Variants in RPL13 observed in about 807,000 individuals in gnomAD.
RPL13 encodes ribosomal protein L13, also known as large ribosomal subunit protein eL13.
In RPL13, 1 loss-of-function variant was observed where a neutral mutation model predicts 21.4. The observed-to-expected ratio is 0.05, with a 90% confidence interval of 0.02 to 0.22. The LOEUF is 0.22. Ranked by LOEUF, RPL13 falls within the 10% of genes least tolerant of loss-of-function variation. The pLI, the probability that RPL13 is intolerant of heterozygous loss-of-function variation, is 1.00. For missense variants in RPL13, 289 were observed against 303.0 expected, an observed-to-expected ratio of 0.95 and a Z score of 0.34; for synonymous variants, 143 against 120.5, an observed-to-expected ratio of 1.19 and a Z score of -1.23.
chr16:89,565,980 C>T (rs1411157508), downstream of RPL13: 2 of 152,322 alleles, frequency 1.3e-5, no homozygotes, highest in East Asian at 3.8e-4. Context: ...CAGGTGCGCC[C>T]AGGCTCCTCA....
rs1330429978 is a variant in RPL13 at position 89,563,180 on chromosome 16, A to T, written c.*138A>T. 1 of 785,218 alleles carries T rather than the reference A, an allele frequency of 1.3e-6. No individual in the cohort carries two copies. Among genetic ancestry groups the T allele is most frequent in the Admixed American group, 4.1e-5 (1 of 24,578 alleles). 48.6% of individuals were successfully genotyped at this position (785,218 alleles called of 1,614,324 possible). ...CCAGGGGATTTGGGGCTTTCTTGAA[A>T]GACAGTCCAAGCCCTGGATAATGCT... is the stretch of plus-strand genomic sequence containing the variant. On this transcript the variant is annotated 3_prime_UTR_variant, in exon 6 of 6. Transcript: ENST00000311528.
chr16:89,562,809 C>G (rs576551693), intron 5 of RPL13, 75 bp from the exon 6 acceptor site: 2 of 1,432,310 alleles, frequency 1.4e-6, no homozygotes, highest in Admixed American at 2.8e-5. Context: ...GGAGGTCCTC[C>G]AGGTTCTCCT....
rs1030885540 is a variant in RPL13 at position 89,564,281 on chromosome 16, G to A, written c.*1239G>A. On this transcript the variant is annotated 3_prime_UTR_variant, in exon 6 of 6. Coordinates refer to ENST00000311528, the MANE Select transcript of RPL13 (RefSeq NM_000977.4). ...GCACTCACAGCCACACTTGATACAC[G>A]ATGACACCTTGCTTGTTTGGAAACA... 6.6e-5 allele frequency: 10 copies of A among 152,164 alleles called. No homozygotes were observed. The highest frequency in any genetic ancestry group is 1.9e-4 in the African/African-American group (8 of 41,386). 9.4% of individuals were successfully genotyped at this position (152,164 alleles called of 1,614,324 possible).
intron 3 of RPL13, 100 bp from the exon 4 acceptor site, chr16:89,561,478 A>T (rs569976983): frequency 6.2e-7 from 1 of 1,612,208 alleles, no homozygotes. Flanking sequence ...ATGAAAGCAC[A>T]TTTGAACCCT....
At chr16:89,562,169 C>G (rs943207288) in intron 4 of RPL13, 166 bp from the exon 5 acceptor site, 1 of 672,008 alleles carries the variant, frequency 1.5e-6, no homozygotes. Context: ...AGTCACCTAA[C>G]TAATAAGGAC....
Position 89,563,573 on chromosome 16 carries a change from C to G in RPL13, c.*531C>G, listed in dbSNP as rs1445481617. On this transcript the variant is annotated 3_prime_UTR_variant, in exon 6 of 6. Coordinates refer to ENST00000311528, the MANE Select transcript of RPL13 (RefSeq NM_000977.4). ...AGCCTGGGCAACAGTGAGACTGTCTCAAAAAAAAAAAAAGAGACAGGGTCT... is the reference window on the plus strand; with the variant it reads ...AGCCTGGGCAACAGTGAGACTGTCTGAAAAAAAAAAAAAGAGACAGGGTCT... 5 of 139,264 alleles carry G rather than the reference C, an allele frequency of 3.6e-5. No homozygotes were observed. The East Asian group carries it at 1.1e-3, about 31-fold the overall frequency. The allele number at this position is 139,264 out of a possible 1,614,324, so 8.6% of individuals were successfully genotyped here.
At position 89,560,929 on chromosome 16, in the gene RPL13, C is replaced by T. The variant is rs1197078072; in HGVS notation, c.-20-11C>T. The stretch of plus-strand genomic sequence containing the variant: ...GGTCCGGCCTCTCACTCGCTCCCCT[C>T]TCGTCCGCAGCCGCAGGGCCGTAGG... On this transcript the variant is annotated splice_polypyrimidine_tract_variant and intron_variant, in intron 1 of 5. Transcript: ENST00000311528. The T allele has an allele frequency of 1.9e-6, 3 of 1,580,466 alleles. No individual in the cohort carries two copies. The highest frequency in any genetic ancestry group is 2.6e-6 in the Non-Finnish European group (3 of 1,165,450).
intron 5 of RPL13, 186 bp downstream of exon 5, chr16:89,562,577 T>C (rs903220836): frequency 1.7e-6 from 1 of 603,354 alleles, no homozygotes; most frequent in African/African-American, 1.9e-5. Flanking sequence ...AGCCATACAT[T>C]GGGAAGTATT....
At chr16:89,565,167 A>G (rs2058775944), downstream of RPL13, 2 of 152,330 alleles carry the variant, frequency 1.3e-5, no homozygotes, top group African/African-American at 2.4e-5. Context: ...GAGCCCTAAC[A>G]GGAGAGGATG....
chr16:89,563,688 A>G lies in RPL13; in HGVS notation c.*646A>G, dbSNP rs2058762521. ...CAAGCAGTCCTCCCTCAGCCTCCCAAGTAGAGGGGTTTATAGGCACGAGAC... is the reference window on the plus strand; with the variant it reads ...CAAGCAGTCCTCCCTCAGCCTCCCAGGTAGAGGGGTTTATAGGCACGAGAC... On this transcript the variant is annotated 3_prime_UTR_variant, in exon 6 of 6. Coordinates refer to ENST00000311528, the MANE Select transcript of RPL13 (RefSeq NM_000977.4). 1 of 152,174 alleles carries G rather than the reference A, an allele frequency of 6.6e-6. No individual in the cohort carries two copies. Among genetic ancestry groups the G allele is most frequent in the African/African-American group, 2.4e-5 (1 of 41,434 alleles). 9.4% of individuals were successfully genotyped at this position (152,174 alleles called of 1,614,324 possible).
rs371060264 is a variant in RPL13 at position 89,560,682 on chromosome 16, C to G, written c.-51C>G. The G allele has an allele frequency of 7.9e-6, 3 of 381,060 alleles. No homozygotes were observed. The highest frequency in any genetic ancestry group is 4.8e-5 in the East Asian group (1 of 20,674). 23.6% of individuals were successfully genotyped at this position (381,060 alleles called of 1,614,324 possible). A position where few individuals can be genotyped will look rare whatever the true frequency, so the allele number is the denominator to read the frequency against. ...CCAGAGTGCATTGCGGGGCCGCTTC[C>G]TTTCCGCTCGGCTGTTTTCCTGCGC... On this transcript the variant is annotated 5_prime_UTR_variant, in exon 1 of 6. Coordinates refer to ENST00000311528, the MANE Select transcript of RPL13 (RefSeq NM_000977.4).
chr16:89,566,265 C>A (rs1017137190), downstream of RPL13: 1 of 151,840 alleles, frequency 6.6e-6, no homozygotes, highest in Admixed American at 6.5e-5. Flanking sequence ...GGGATAGTCT[C>A]AGAAGGCGCT....
Position 89,563,371 on chromosome 16 carries a change from G to T in RPL13, c.*329G>T. The T allele has an allele frequency of 5.7e-6, 1 of 175,320 alleles. No individual in the cohort carries two copies. Among genetic ancestry groups the T allele is most frequent in the African/African-American group, 2.4e-5 (1 of 42,530 alleles). The allele number at this position is 175,320 out of a possible 1,614,324, so 10.9% of individuals were successfully genotyped here. A position where few individuals can be genotyped will look rare whatever the true frequency, so the allele number is the denominator to read the frequency against. Reference sequence around the variant, plus strand: ...CACAGCTGTAATCCCAGCACTTTGAGGTTGGCTGGGAGTTCAAGACCAGCC... The same window carrying T: ...CACAGCTGTAATCCCAGCACTTTGATGTTGGCTGGGAGTTCAAGACCAGCC... On this transcript the variant is annotated 3_prime_UTR_variant, in exon 6 of 6. Transcript: ENST00000311528.
rs1303877004 is a variant in RPL13 at position 89,561,275 on chromosome 16, G to A, written c.153G>A (p.Ala51=). 5 of 1,560,698 alleles carry A rather than the reference G, an allele frequency of 3.2e-6. No individual in the cohort carries two copies. The South Asian group carries it at 4.6e-5, about 14-fold the overall frequency. The change falls in exon 3 of 6, where the codon GCG becomes GCA. Residue 51 remains alanine (A), a synonymous_variant. Transcript: ENST00000311528. ...CGCGCCGCATCGCCCCGCGCCCCGC[G>A]TCGGGTCCCATCCGGCCCATCGTGC... The part of the protein sequence containing the change: ...AKARRIAPRP[A]SGPIRPIVRC...
At position 89,561,307 on chromosome 16, in the gene RPL13, C is replaced by G. The variant is rs758409828; in HGVS notation, c.185C>G (p.Pro62Arg). ...CCCATCCGGCCCATCGTGCGCTGCC[C>G]CACGGTTCGGTACCACACGAAGGTG... ...SGPIRPIVRC[P>R]TVRYHTKVRA... is the part of the protein sequence containing the mutation. The change falls in exon 3 of 6, where the codon CCC becomes CGC. Residue 62 changes from proline (P) to arginine (R), a missense_variant. By Grantham distance (103) the Pro-to-Arg change is moderately radical. Coordinates refer to ENST00000311528, the MANE Select transcript of RPL13 (RefSeq NM_000977.4). 5.1e-6 allele frequency: 8 copies of G among 1,583,928 alleles called. No homozygotes were observed. The highest frequency in any genetic ancestry group is 6.8e-6 in the Non-Finnish European group (8 of 1,169,924).
rs979661887 is a variant in RPL13, at chr16:89,563,530, A to T, written c.*488A>T. ...GAGGCAGAGGCTGCACTGAGCCAGGATCACGCCACTGCACTCTAGCCTGGG... is the reference window on the plus strand; with the variant it reads ...GAGGCAGAGGCTGCACTGAGCCAGGTTCACGCCACTGCACTCTAGCCTGGG... On this transcript the variant is annotated 3_prime_UTR_variant, in exon 6 of 6. Transcript: ENST00000311528. The T allele has an allele frequency of 6.6e-6, 1 of 151,994 alleles. No individual in the cohort carries two copies. The highest frequency in any genetic ancestry group is 2.4e-5 in the African/African-American group (1 of 41,342). The allele number at this position is 151,994 out of a possible 1,614,324, so 9.4% of individuals were successfully genotyped here. A position where few individuals can be genotyped will look rare whatever the true frequency, so the allele number is the denominator to read the frequency against.
chr16:89,560,998 C>T lies in RPL13; in HGVS notation c.39C>T (p.His13=). 2 of 1,607,650 alleles carry T rather than the reference C, an allele frequency of 1.2e-6. No homozygotes were observed. Among genetic ancestry groups the T allele is most frequent in the African/African-American group, 1.4e-5 (1 of 74,060 alleles). ...GGAATGGCATGGTCTTGAAGCCCCA[C>T]TTCCACAAGGACTGGCAGCGGCGCG... ...PSRNGMVLKP[H]FHKDWQRRVA... The change falls in exon 2 of 6, where the codon CAC becomes CAT. Residue 13 remains histidine (H), a synonymous_variant. Coordinates refer to ENST00000311528, the MANE Select transcript of RPL13 (RefSeq NM_000977.4).
intron 4 of RPL13, 66 bp downstream of exon 4, chr16:89,561,817 G>A: frequency 1.3e-6 from 2 of 1,547,832 alleles, no homozygotes; most frequent in Non-Finnish European, 1.8e-6. Context: ...CTTTATCAGT[G>A]ACACCGGTCC....
downstream of RPL13, chr16:89,566,512 T>C (rs1045590875): frequency 6.6e-6 from 1 of 152,196 alleles, no homozygotes. Context: ...AAAATTATCA[T>C]GCAGGGCTGG....
Sources: gnomAD v4.1 joint callset for allele counts on GRCh38, gnomAD v4.1.1 for gene constraint, MANE v1.5 for transcripts, NCBI Gene and HGNC (gene_info 2026-07-23, HGNC 2026-07-21) for gene names.